Variants in TAF6L observed in about 807,000 individuals in gnomAD.
TAF6L encodes the protein TATA-box binding protein associated factor 6 like.
Under a neutral mutation model 57.3 loss-of-function variants are expected in TAF6L, and 34 were observed. The observed-to-expected ratio is 0.59, with a 90% CI of 0.45 to 0.79. The LOEUF (loss-of-function observed/expected upper bound fraction) is 0.79, where lower values mean the gene tolerates loss of function less well. TAF6L is among the 30% of genes least tolerant of loss of function. TAF6L has a pLI of 0.00. For missense variants in TAF6L, 782 were observed against 853.2 expected (o/e 0.92, Z 1.04); for synonymous variants, 417 against 376.3 (o/e 1.11, Z -1.25).
chr11:62,779,017 CTG>C, intron 6 of TAF6L, 54 bp downstream of exon 6: 7 of 1,263,832 alleles, frequency 5.5e-6, no homozygotes, highest in Middle Eastern at 1.9e-4. Flanking sequence ...AATTCTAGAC[CTG>C]TTTTTTTTTT....
At chr11:62,783,231 C>G (rs2084243419) in intron 9 of TAF6L, among the ~76,000 whole-genome samples, 1 of 152,074 alleles carries the variant, frequency 6.6e-6, no homozygotes, top group Non-Finnish European at 1.5e-5. Context: ...GCCTGTAATC[C>G]CAGCACTTTG....
intron 1 of TAF6L, 86 bp from the exon 2 acceptor site, chr11:62,775,685 A>G: frequency 7.0e-7 from 1 of 1,431,480 alleles, no homozygotes; most frequent in Non-Finnish European, 9.3e-7. Flanking sequence ...CACGAGCAGC[A>G]AGGCTGGTGT....
At chr11:62,782,551 C>T (rs1204774285) in intron 8 of TAF6L, 142 bp from the exon 9 acceptor site, 12 of 1,279,540 alleles carry the variant, frequency 9.4e-6, no homozygotes, top group Non-Finnish European at 1.2e-5. Context: ...GGTCCTAGGC[C>T]AGTCACCCCT....
chr11:62,787,013 G>A lies in TAF6L; in HGVS notation c.1586G>A (p.Arg529Gln), dbSNP rs1052943142. 1.3e-6 allele frequency: 2 copies of A among 1,487,554 alleles called. No individual in the cohort carries two copies. The highest frequency in any genetic ancestry group is 1.8e-6 in the Non-Finnish European group (2 of 1,128,264). 92.1% of individuals were successfully genotyped at this position (1,487,554 alleles called of 1,614,324 possible). ...SESRPLPRVHRARGAPRQQGP... is the reference protein window; with the variant it reads ...SESRPLPRVHQARGAPRQQGP... ...AGCAGGCCCTTGCCGCGCGTGCATCGGGCGCGCGGGGCACCCCGGCAGCAG... is the reference window on the plus strand; with the variant it reads ...AGCAGGCCCTTGCCGCGCGTGCATCAGGCGCGCGGGGCACCCCGGCAGCAG... Residue 529 changes from arginine to glutamine, a missense_variant, in exon 11 of 11, where the codon CGG (arginine) becomes CAG (glutamine). Physicochemically the swap from Arg to Gln is conservative, Grantham distance 43. Around this residue, in one of 3 missense-constraint regions of TAF6L, gnomAD observed 483 missense variants for 445.1 expected, o/e 1.09. Coordinates refer to ENST00000294168, the MANE Select transcript of TAF6L (RefSeq NM_006473.4).
intron 1 of TAF6L, among the ~76,000 whole-genome samples, chr11:62,775,017 TC>T (rs1403293159): frequency 2.1e-5 from 3 of 145,834 alleles, no homozygotes; most frequent in African/African-American, 7.7e-5. Context: ...TGAGCTGAGA[TC>T]GCGCTGCTAC....
At chr11:62,771,694 G>A (rs1021256225) in intron 1 of TAF6L, 27 of 193,408 alleles carry the variant, frequency 1.4e-4, no homozygotes, top group Middle Eastern at 4.7e-3. Flanking sequence ...GCGTTGCCGA[G>A]GCCCGGCCCG....
intron 9 of TAF6L, chr11:62,786,043 A>T: frequency 1.9e-6 from 1 of 528,674 alleles, no homozygotes; most frequent in Non-Finnish European, 3.3e-6. Flanking sequence ...TATATTTTTT[A>T]TTGTCTCCCT....
chr11:62,782,071 T>C (rs1407830461), intron 7 of TAF6L, 42 bp from the exon 8 acceptor site: 3 of 1,586,634 alleles, frequency 1.9e-6, no homozygotes, highest in East Asian at 2.2e-5. Flanking sequence ...GGCTCCTGCC[T>C]GTCCCCTCAT....
At chr11:62,785,195 CTTT>C (rs770648187) in intron 9 of TAF6L, among the ~76,000 whole-genome samples, 1 of 138,510 alleles carries the variant, frequency 7.2e-6, no homozygotes. Context: ...ATTTTCTTTC[CTTT>C]TTTTTTTTTT....
Position 62,787,208 on chromosome 11 carries a change from A to G in TAF6L, c.1781A>G (p.Tyr594Cys). ...APYGPSPASR[Y>C]VQKLPMIGRT... is the part of the protein sequence containing the mutation. ...TACGGGCCTAGCCCGGCCTCGCGCT[A>G]CGTGCAGAAACTGCCCATGATCGGC... Residue 594 changes from tyrosine to cysteine, a missense_variant, in exon 11 of 11, where the codon TAC becomes TGC. Coordinates refer to ENST00000294168, the MANE Select transcript of TAF6L (RefSeq NM_006473.4). 8 of 1,587,284 alleles carry G rather than the reference A, an allele frequency of 5.0e-6. No homozygotes were observed. The highest frequency in any genetic ancestry group is 6.0e-6 in the Non-Finnish European group (7 of 1,175,300).
Position 62,786,650 on chromosome 11 carries a change from G to C in TAF6L, c.1223G>C (p.Gly408Ala). 2 of 1,605,056 alleles carry C rather than the reference G, an allele frequency of 1.2e-6. No homozygotes were observed. Among genetic ancestry groups the C allele is most frequent in the Non-Finnish European group, 1.7e-6 (2 of 1,176,180 alleles). Residue 408 changes from glycine to alanine, a missense_variant, in exon 11 of 11, where the codon GGG becomes GCG. This residue lies in a region of TAF6L where 483 missense variants were observed against 445.1 expected (regional missense o/e 1.09). Transcript: ENST00000294168. ...CTTCTCTTTCAAGAGTCGTCCTCCG[G>C]GGGCGGTGCAGAACCCAGCTTTGGG... ...DSLLFQESSSGGGAEPSFGSG... is the reference protein window; with the variant it reads ...DSLLFQESSSAGGAEPSFGSG...
At chr11:62,780,936 CAA>C (rs1302371766) in intron 6 of TAF6L, among the ~76,000 whole-genome samples, 22 of 52,224 alleles carry the variant, frequency 4.2e-4, no homozygotes, top group Admixed American at 4.8e-4. Context: ...GACTCCATCT[CAA>C]AAAAAAAAAA....
At chr11:62,779,524 G>C (rs2134709778) in intron 6 of TAF6L, among the ~76,000 whole-genome samples, 1 of 151,934 alleles carries the variant, frequency 6.6e-6, no homozygotes, top group East Asian at 1.9e-4. Context: ...GGGGGTTTCA[G>C]CATGTTGGTC....
chr11:62,778,783 G>C (rs1158845279), intron 5 of TAF6L, 86 bp from the exon 6 acceptor site: 8 of 1,103,410 alleles, frequency 7.3e-6, no homozygotes, highest in African/African-American at 4.6e-5. Flanking sequence ...TGTGTGTGGG[G>C]ATGGTGGTTG....
At position 62,786,889 on chromosome 11, in the gene TAF6L, C is replaced by T. The variant is rs776429559; in HGVS notation, c.1462C>T (p.Leu488=). 5 of 1,559,932 alleles carry T rather than the reference C, an allele frequency of 3.2e-6. No homozygotes were observed. The highest frequency in any genetic ancestry group is 2.6e-6 in the Non-Finnish European group (3 of 1,162,004). ...APDSVRKMPQ[L]TASAIVSPHG... Reference sequence around the variant, plus strand: ...GGACTCGGTGCGGAAGATGCCGCAGCTGACGGCAAGCGCCATAGTCAGCCC... The same window carrying T: ...GGACTCGGTGCGGAAGATGCCGCAGTTGACGGCAAGCGCCATAGTCAGCCC... Residue 488 remains leucine (L), a synonymous_variant, in exon 11 of 11, where the codon CTG becomes TTG. Coordinates refer to ENST00000294168, the MANE Select transcript of TAF6L (RefSeq NM_006473.4).
intron 1 of TAF6L, among the ~76,000 whole-genome samples, chr11:62,772,850 ATC>A (rs1253319485): frequency 1.4e-5 from 2 of 144,670 alleles, no homozygotes; most frequent in African/African-American, 5.5e-5. Flanking sequence ...CTTTTAGAAG[ATC>A]TTTTTTTTTT....
rs1291833549 is a variant in TAF6L, at chr11:62,786,750, C to T, written c.1323C>T (p.Tyr441=). The T allele has an allele frequency of 3.7e-6, 6 of 1,613,022 alleles. No homozygotes were observed. The highest frequency in any genetic ancestry group is 3.3e-5 in the Admixed American group (2 of 59,984). ...PSLSVTLADI[Y]RELYAFFGDS... is the part of the protein sequence containing the mutation. ...TTTCGGTGACCCTGGCCGACATCTACCGGGAGCTCTACGCCTTCTTCGGTG... is the reference window on the plus strand; with the variant it reads ...TTTCGGTGACCCTGGCCGACATCTATCGGGAGCTCTACGCCTTCTTCGGTG... Residue 441 remains tyrosine, a synonymous_variant, in exon 11 of 11, where the codon TAC becomes TAT. Coordinates refer to ENST00000294168, the MANE Select transcript of TAF6L (RefSeq NM_006473.4).
At chr11:62,774,779 T>C (rs2084173194) in intron 1 of TAF6L, 4 of 367,332 alleles carry the variant, frequency 1.1e-5, no homozygotes, top group South Asian at 7.6e-5. Context: ...CGAAATCTTG[T>C]TTCTACTAAA....
Position 62,775,906 on chromosome 11 carries a change from C to G in TAF6L, c.123C>G (p.Cys41Trp), listed in dbSNP as rs770527676. The change falls in exon 2 of 11, where the codon TGC (cysteine) becomes TGG (tryptophan). Residue 41 changes from cysteine to tryptophan, a missense_variant. Physicochemically the swap from Cys to Trp is radical, Grantham distance 215 (BLOSUM62 -2). Transcript: ENST00000294168. ...CGGCGCTGCTCGCAGAGGACGTGTG[C>G]TATCGTCTGAGAGAGGCCACGCAGG... Reference protein sequence around the residue: ...EVAALLAEDVCYRLREATQNS... With the variant: ...EVAALLAEDVWYRLREATQNS... 3.7e-6 allele frequency: 6 copies of G among 1,613,078 alleles called. No homozygotes were observed. The highest frequency in any genetic ancestry group is 5.1e-6 in the Non-Finnish European group (6 of 1,179,552).
Sources: gnomAD v4.1 joint callset for allele counts (sites outside exome capture counted in the v4.1 genomes callset) on GRCh38, gnomAD v4.1.1 for gene constraint, gnomAD v4.1.1 regional missense constraint, MANE v1.5 for transcripts, NCBI Gene and HGNC (gene_info 2026-07-23, HGNC 2026-07-21) for gene names.